Variants in MLLT10 observed in about 807,000 individuals in gnomAD.
The protein encoded by MLLT10 is protein AF-10.
MLLT10 carries 30 observed loss-of-function variants against 129.1 expected under a neutral mutation model. The ratio of observed to expected loss-of-function variants is 0.23; its 90% CI spans 0.17 to 0.32. MLLT10 has a LOEUF of 0.32. MLLT10 is among the 10% of genes least tolerant of loss of function. The pLI, the probability that MLLT10 is intolerant of heterozygous loss-of-function variation, is 1.00. For missense variants in MLLT10, 1,119 were observed against 1,268.3 expected (o/e 0.88, Z 1.79); for synonymous variants, 490 against 446.4 (o/e 1.10, Z -1.23).
chr10:21,568,841 G>C (rs1016795792), intron 3 of MLLT10, among the ~76,000 whole-genome samples: 2 of 152,108 alleles, frequency 1.3e-5, no homozygotes, highest in African/African-American at 4.8e-5. Context: ...TCACCGTCTT[G>C]GTCAGGCTGG....
chr10:21,540,905 A>G (rs979843653), intron 3 of MLLT10, among the ~76,000 whole-genome samples: 14 of 152,252 alleles, frequency 9.2e-5, no homozygotes, highest in African/African-American at 3.4e-4. Flanking sequence ...CGTGCTTGTA[A>G]TCCTTGCACT....
chr10:21,680,705 C>T (rs2052646617), intron 11 of MLLT10, among the ~76,000 whole-genome samples: 1 of 152,074 alleles, frequency 6.6e-6, no homozygotes, highest in East Asian at 1.9e-4. Context: ...AGCGTGGTGG[C>T]TCACGTCGGT....
intron 3 of MLLT10, among the ~76,000 whole-genome samples, chr10:21,578,188 C>G (rs1291136989): frequency 6.6e-6 from 1 of 152,196 alleles, no homozygotes; most frequent in Non-Finnish European, 1.5e-5. Flanking sequence ...AGCCACTGCA[C>G]CTGGCCTGGT....
intron 5 of MLLT10, among the ~76,000 whole-genome samples, chr10:21,596,192 A>C (rs942526891): frequency 5.9e-5 from 9 of 152,266 alleles, no homozygotes; most frequent in Admixed American, 5.9e-4. Flanking sequence ...AATCATTCAT[A>C]ATCTTATTCA....
chr10:21,688,657 A>G (rs977865990), intron 13 of MLLT10: 3 of 705,952 alleles, frequency 4.2e-6, no homozygotes, highest in African/African-American at 3.7e-5. Flanking sequence ...AAAAAAAATG[A>G]TGCCTGAAAG....
At chr10:21,622,418 G>A (rs1438955069) in intron 8 of MLLT10, among the ~76,000 whole-genome samples, 3 of 151,484 alleles carry the variant, frequency 2.0e-5, no homozygotes, top group Non-Finnish European at 4.4e-5. Flanking sequence ...TTCTGCCTTG[G>A]CCTCCCAAAG....
chr10:21,716,175 T>C (rs917721623), intron 14 of MLLT10, among the ~76,000 whole-genome samples: 4 of 152,240 alleles, frequency 2.6e-5, no homozygotes, highest in African/African-American at 9.6e-5. Flanking sequence ...ATAGAATTGA[T>C]AGGACTCTTA....
At position 21,634,076 on chromosome 10, in the gene MLLT10, C is replaced by T. The variant is rs1238076045; in HGVS notation, c.699+16869C>T. On this transcript the variant is annotated intron_variant, in intron 8 of 22. Coordinates refer to ENST00000307729, the MANE Select transcript of MLLT10 (RefSeq NM_001195626.3). The stretch of plus-strand genomic sequence containing the variant: ...CCAATATGGTGAAATCCAATCACTA[C>T]TAAAAATACAAAAACTAGCCGAGTG... Among the ~76,000 whole-genome samples, 2 of 152,086 alleles carry T rather than the reference C, an allele frequency of 1.3e-5. 1 individual carries two copies. The highest frequency in any genetic ancestry group is 4.1e-4 in the South Asian group (2 of 4,822).
rs182507499 is a variant in MLLT10 at position 21,683,222 on chromosome 10, G to A, written c.1699+965G>A. The stretch of plus-strand genomic sequence containing the variant: ...AAGGGTAGGGGTCGTTAGGGTGGGA[G>A]TCTTATCTTATAAGTTATTTTTTAT... On this transcript the variant is annotated intron_variant, in intron 13 of 22. Transcript: ENST00000307729. Among the ~76,000 whole-genome samples, 126 of 152,236 alleles carry A rather than the reference G, an allele frequency of 8.3e-4. 2 individuals carry two copies. The South Asian group carries it at 8.9e-3, about 11-fold the overall frequency.
At chr10:21,638,934 G>A (rs2047715395) in intron 8 of MLLT10, among the ~76,000 whole-genome samples, 2 of 152,150 alleles carry the variant, frequency 1.3e-5, no homozygotes, top group African/African-American at 4.8e-5. Flanking sequence ...CTGGTGCTTA[G>A]CCTACAGCCA....
intron 8 of MLLT10, among the ~76,000 whole-genome samples, chr10:21,637,409 C>T (rs2047564383): frequency 6.6e-6 from 1 of 152,162 alleles, no homozygotes; most frequent in Admixed American, 6.5e-5. Context: ...TGGTGGGATT[C>T]TGAAGAGACC....
At chr10:21,615,924 T>A (rs912277869) in intron 7 of MLLT10, among the ~76,000 whole-genome samples, 4 of 152,192 alleles carry the variant, frequency 2.6e-5, no homozygotes, top group Non-Finnish European at 5.9e-5. Context: ...ATGGTAGATA[T>A]TAATACACTG....
At chr10:21,676,034 CAT>C (rs2052057725) in intron 11 of MLLT10, among the ~76,000 whole-genome samples, 1 of 152,194 alleles carries the variant, frequency 6.6e-6, no homozygotes, top group East Asian at 1.9e-4. Context: ...ATTAGGTAAA[CAT>C]AGTAATTTAG....
In MLLT10 at chr10:21,561,123, T is replaced by G. The variant is rs1588943945; in HGVS notation, c.240+22211T>G. The stretch of plus-strand genomic sequence containing the variant: ...TGTGGTGAAGTCCAATTTATCTTTT[T>G]TTAGTTTTTGTTTTTTGTGCTTTTG... On this transcript the variant is annotated intron_variant, in intron 3 of 22. Coordinates refer to ENST00000307729, the MANE Select transcript of MLLT10 (RefSeq NM_001195626.3). Among the ~76,000 whole-genome samples, 4 of 152,326 alleles carry G rather than the reference T, an allele frequency of 2.6e-5. No homozygotes were observed. In the South Asian group the frequency reaches 8.3e-4, roughly 32 times the overall value.
intron 13 of MLLT10, among the ~76,000 whole-genome samples, chr10:21,696,978 A>G (rs912024076): frequency 6.6e-6 from 1 of 151,826 alleles, no homozygotes; most frequent in Middle Eastern, 3.2e-3. Context: ...GTAGCCTGTG[A>G]GACTCTACAT....
intron 4 of MLLT10, among the ~76,000 whole-genome samples, chr10:21,589,064 A>G (rs1244603147): frequency 1.3e-5 from 2 of 152,014 alleles, no homozygotes; most frequent in African/African-American, 2.4e-5. Context: ...GGTGTGAGCC[A>G]CCATGCCCAG....
intron 5 of MLLT10, among the ~76,000 whole-genome samples, chr10:21,609,347 CG>C (rs2044367292): frequency 6.6e-6 from 1 of 152,080 alleles, no homozygotes; most frequent in Admixed American, 6.5e-5. Context: ...GTCTTTTGAC[CG>C]TTAGGTATGA....
At position 21,534,681 on chromosome 10, in the gene MLLT10, G is replaced by A; in HGVS notation, c.37G>A (p.Glu13Lys). 6.2e-7 allele frequency: 1 copy of A among 1,612,532 alleles called. No individual in the cohort carries two copies. Among genetic ancestry groups the A allele is most frequent in the Non-Finnish European group, 8.5e-7 (1 of 1,179,074 alleles). ...SSDRPVSLED[E>K]VSHSMKEMIG... ...CGACCGGCCCGTGTCACTGGAGGAC[G>A]AGGTCTCCCATAGTATGAAGGAGAT... Residue 13 changes from glutamate (E) to lysine (K), a missense_variant, in exon 2 of 23, where the codon GAG becomes AAG. Physicochemically the swap from Glu to Lys is moderately conservative, Grantham distance 56. Transcript: ENST00000307729.
At chr10:21,687,874 G>T (rs1020925395) in intron 13 of MLLT10, among the ~76,000 whole-genome samples, 1 of 152,168 alleles carries the variant, frequency 6.6e-6, no homozygotes, top group Admixed American at 6.5e-5. Context: ...GAAATCTTAT[G>T]GGCAGGGTTG....
Sources: allele counts gnomAD v4.1 joint callset (sites outside exome capture counted in the v4.1 genomes callset), GRCh38; gene constraint gnomAD v4.1.1; transcripts MANE v1.5; gene names NCBI Gene and HGNC (gene_info 2026-07-23, HGNC 2026-07-21).